Variants in ZNF423 observed in about 807,000 individuals in gnomAD.
The protein encoded by ZNF423 is Ebf-associated zinc finger protein.
In ZNF423, 12 loss-of-function variants were observed where a neutral mutation model predicts 95.8. That is an observed-to-expected ratio of 0.13 (90% CI 0.08 to 0.20). The LOEUF is 0.20. Ranked by LOEUF, ZNF423 falls within the 10% of genes least tolerant of loss-of-function variation. ZNF423 has a pLI of 1.00. For synonymous variants in ZNF423, 749 were observed against 711.9 expected, an observed-to-expected ratio of 1.05 and a Z score of -0.83; for missense variants, 1,316 against 1,737.1, an observed-to-expected ratio of 0.76 and a Z score of 4.31.
chr16:49,858,717 G>GC (rs35734564), upstream of ZNF423, among the ~76,000 whole-genome samples: 66,701 of 132,736 alleles, frequency 0.5, 16,756 homozygotes, highest in East Asian at 0.65. This position sits in a 1 kb window ranked among gnomAD's most constrained non-coding sequence, Gnocchi z 4.3. Context: ...GGGAATAGGA[G>GC]CCCCCCCCCC....
At chr16:49,822,547 C>A in intron 1 of ZNF423, 1 of 682,404 alleles carries the variant, frequency 1.5e-6, no homozygotes, top group Non-Finnish European at 2.4e-6. Flanking sequence ...CCAGGCAAGG[C>A]CCCTAGCTGA....
intron 1 of ZNF423, among the ~76,000 whole-genome samples, chr16:49,847,940 T>C (rs918812960): frequency 2.6e-5 from 4 of 151,628 alleles, no homozygotes; most frequent in African/African-American, 9.7e-5. Flanking sequence ...CTGGGCAGCA[T>C]AGACCCATCT....
intron 3 of ZNF423, among the ~76,000 whole-genome samples, chr16:49,652,434 C>T (rs1289821217): frequency 6.6e-6 from 1 of 152,118 alleles, no homozygotes; most frequent in East Asian, 1.9e-4. Flanking sequence ...TAGTGATCAA[C>T]TCCTGCCAGC....
chr16:49,700,852 A>G (rs2032155725), intron 3 of ZNF423, among the ~76,000 whole-genome samples: 1 of 151,952 alleles, frequency 6.6e-6, no homozygotes, highest in African/African-American at 2.4e-5. Context: ...TGAGTTCCTG[A>G]GTCCCCTGTG....
At chr16:49,761,238 A>G (rs2033828012) in intron 2 of ZNF423, among the ~76,000 whole-genome samples, 1 of 152,184 alleles carries the variant, frequency 6.6e-6, no homozygotes, top group Admixed American at 6.5e-5. Context: ...GTGAGAAACC[A>G]TGAAAGGGTC....
intron 3 of ZNF423, among the ~76,000 whole-genome samples, chr16:49,656,336 C>T (rs1457893665): frequency 6.6e-6 from 1 of 151,952 alleles, no homozygotes; most frequent in Admixed American, 6.6e-5. Flanking sequence ...CATGGTGAAA[C>T]CCCGTCTCTA....
intron 3 of ZNF423, among the ~76,000 whole-genome samples, chr16:49,721,513 A>G (rs1367451486): frequency 6.6e-6 from 1 of 152,044 alleles, no homozygotes; most frequent in Non-Finnish European, 1.5e-5. Flanking sequence ...CCAGGAGGAC[A>G]CCGGAAGCTT....
At chr16:49,813,618 C>CCT (rs2034790151) in intron 1 of ZNF423, among the ~76,000 whole-genome samples, 1 of 152,218 alleles carries the variant, frequency 6.6e-6, no homozygotes, top group African/African-American at 2.4e-5. Context: ...ACATCCATTC[C>CCT]CTCTCGCTCC....
chr16:49,496,102 C>T (rs192102991), intron 7 of ZNF423, among the ~76,000 whole-genome samples: 143 of 152,364 alleles, frequency 9.4e-4, no homozygotes, highest in Non-Finnish European at 1.6e-3. Context: ...TGGTGCTAGC[C>T]ACTGCCCTGG....
At chr16:49,750,544 C>T (rs989628161) in intron 2 of ZNF423, among the ~76,000 whole-genome samples, 1 of 152,176 alleles carries the variant, frequency 6.6e-6, no homozygotes, top group Non-Finnish European at 1.5e-5. Flanking sequence ...CCAGACGCTC[C>T]TCTCCAGAAG....
chr16:49,809,377 GCT>G (rs1294539607), intron 1 of ZNF423, among the ~76,000 whole-genome samples: 1 of 152,214 alleles, frequency 6.6e-6, no homozygotes, highest in African/African-American at 2.4e-5. Flanking sequence ...GTGGTCCCAT[GCT>G]CTGTGTGTCA....
intron 1 of ZNF423, among the ~76,000 whole-genome samples, chr16:49,801,309 G>A (rs2034579725): frequency 6.6e-6 from 1 of 152,334 alleles, no homozygotes; most frequent in African/African-American, 2.4e-5. Flanking sequence ...GGCTTTTACA[G>A]ATGTTTCCTC....
At chr16:49,764,641 T>G (rs1298911216) in intron 2 of ZNF423, 1 of 152,032 alleles carries the variant, frequency 6.6e-6, no homozygotes, top group Non-Finnish European at 1.5e-5. Flanking sequence ...CTGGCAGATC[T>G]ACAGCATGGA....
intron 2 of ZNF423, among the ~76,000 whole-genome samples, chr16:49,744,263 G>A (rs1242129961): frequency 2.0e-5 from 3 of 152,262 alleles, no homozygotes; most frequent in Admixed American, 1.3e-4. Flanking sequence ...AATGGCCTGG[G>A]CAGCATGACA....
intron 1 of ZNF423, among the ~76,000 whole-genome samples, chr16:49,839,048 C>G (rs991706746): frequency 4.7e-5 from 7 of 150,216 alleles, no homozygotes; most frequent in African/African-American, 1.7e-4. Context: ...CCGCCTCTTC[C>G]CAGCCATCCC....
At chr16:49,658,415 A>C (rs1404128207) in intron 3 of ZNF423, among the ~76,000 whole-genome samples, 1 of 152,214 alleles carries the variant, frequency 6.6e-6, no homozygotes, top group Non-Finnish European at 1.5e-5. Context: ...GGCCCCTCTG[A>C]GGGCCCCACT....
chr16:49,602,511 T>TGG (rs111980769), intron 5 of ZNF423, among the ~76,000 whole-genome samples: 1 of 151,696 alleles, frequency 6.6e-6, no homozygotes, highest in Admixed American at 6.6e-5. Flanking sequence ...GAGTTTCGGG[T>TGG]GGGGGGCAGT....
At chr16:49,507,922 G>A (rs897915279) in intron 7 of ZNF423, among the ~76,000 whole-genome samples, 11 of 152,188 alleles carry the variant, frequency 7.2e-5, no homozygotes, top group African/African-American at 2.7e-4. Flanking sequence ...GTATCCAAAG[G>A]GGTCACACAG....
intron 5 of ZNF423, among the ~76,000 whole-genome samples, chr16:49,625,464 G>C (rs1258408138): frequency 6.6e-6 from 1 of 152,170 alleles, no homozygotes; most frequent in African/African-American, 2.4e-5. Context: ...AGGGTACCAG[G>C]CTTCTTGAAG....
Sources: gnomAD v4.1 joint callset for allele counts (sites outside exome capture counted in the v4.1 genomes callset) on GRCh38, gnomAD v4.1.1 for gene constraint, Gnocchi (gnomAD v3.1) non-coding constraint, MANE v1.5 for transcripts, NCBI Gene and HGNC (gene_info 2026-07-23, HGNC 2026-07-21) for gene names.